GNAL: variants seen among roughly 807,000 people sequenced by gnomAD.
The protein encoded by GNAL is guanine nucleotide-binding protein G(olf) subunit alpha.
Under a neutral mutation model 55.1 loss-of-function variants are expected in GNAL, and 18 were observed. The ratio of observed to expected loss-of-function variants is 0.33; its 90% CI spans 0.23 to 0.48. The LOEUF (loss-of-function observed/expected upper bound fraction) is 0.48, where lower values mean the gene tolerates loss of function less well. Ranked by LOEUF, GNAL falls within the 20% of genes least tolerant of loss-of-function variation. The pLI is 0.99. For missense variants in GNAL, 412 were observed against 614.1 expected, an observed-to-expected ratio of 0.67 and a Z score of 3.48; for synonymous variants, 253 against 237.0, an observed-to-expected ratio of 1.07 and a Z score of -0.62.
At chr18:11,807,425 C>T (rs1315346257) in intron 4 of GNAL, among the ~76,000 whole-genome samples, 3 of 152,036 alleles carry the variant, frequency 2.0e-5, no homozygotes, top group East Asian at 1.9e-4. Context: ...TTTAGCAGTG[C>T]GAGAATCAGA....
At chr18:11,846,686 G>A (rs1427931737) in intron 5 of GNAL, among the ~76,000 whole-genome samples, 2 of 151,732 alleles carry the variant, frequency 1.3e-5, no homozygotes, top group Non-Finnish European at 2.9e-5. Context: ...TGTCCAGGCT[G>A]TTGTTAACAT....
chr18:11,770,319 T>C (rs2033593785), intron 4 of GNAL, among the ~76,000 whole-genome samples: 1 of 152,210 alleles, frequency 6.6e-6, no homozygotes, highest in African/African-American at 2.4e-5. Flanking sequence ...CTTACCTCAA[T>C]GATTATTCTT....
intron 1 of GNAL, among the ~76,000 whole-genome samples, chr18:11,705,048 A>G (rs1313859870): frequency 6.6e-6 from 1 of 152,208 alleles, no homozygotes; most frequent in East Asian, 1.9e-4. Context: ...GTTGTACAGC[A>G]GAGCTCTACA....
At chr18:11,720,044 C>A (rs2032059508) in intron 1 of GNAL, among the ~76,000 whole-genome samples, 2 of 152,180 alleles carry the variant, frequency 1.3e-5, no homozygotes, top group South Asian at 4.1e-4. Context: ...AATGCAGATT[C>A]TGATTTAGTA....
At chr18:11,796,575 C>CA (rs760136358) in intron 4 of GNAL, among the ~76,000 whole-genome samples, 1,299 of 58,854 alleles carry the variant, frequency 0.022, 68 homozygotes, top group Middle Eastern at 0.074. Flanking sequence ...CTCCTTCTCA[C>CA]AAAAAAAAAA....
chr18:11,747,105 C>T (rs2032704938), intron 1 of GNAL: 1 of 421,886 alleles, frequency 2.4e-6, no homozygotes, highest in African/African-American at 2.0e-5. Flanking sequence ...GTTTGGTGTT[C>T]TCAGCGCAGA....
At chr18:11,712,267 A>C (rs1371600188) in intron 1 of GNAL, among the ~76,000 whole-genome samples, 2 of 148,804 alleles carry the variant, frequency 1.3e-5, no homozygotes, top group Non-Finnish European at 3.0e-5. Flanking sequence ...TATTAATTCC[A>C]CTCTCTCGGG....
intron 4 of GNAL, among the ~76,000 whole-genome samples, chr18:11,758,402 G>A (rs2033131497): frequency 6.6e-6 from 1 of 152,166 alleles, no homozygotes; most frequent in Non-Finnish European, 1.5e-5. Context: ...AAATTCTTGT[G>A]ACCTCGAGCT....
intron 7 of GNAL, among the ~76,000 whole-genome samples, chr18:11,865,962 G>A (rs1312874347): frequency 4.0e-5 from 6 of 149,282 alleles, no homozygotes; most frequent in African/African-American, 1.5e-4. Flanking sequence ...GATCTCCAGT[G>A]TGTTCTGAGA....
At chr18:11,768,623 A>G (rs562639655) in intron 4 of GNAL, among the ~76,000 whole-genome samples, 5 of 150,006 alleles carry the variant, frequency 3.3e-5, no homozygotes, top group Non-Finnish European at 7.4e-5. Context: ...GGCCAGGCGC[A>G]GTGGCTCACG....
chr18:11,818,707 C>G (rs1219422054), intron 4 of GNAL, among the ~76,000 whole-genome samples: 1 of 152,172 alleles, frequency 6.6e-6, no homozygotes, highest in Non-Finnish European at 1.5e-5. Context: ...CGTGCCGGGA[C>G]GCACCCTGAA....
At chr18:11,695,919 C>A (rs2031392980) in intron 1 of GNAL, among the ~76,000 whole-genome samples, 1 of 143,888 alleles carries the variant, frequency 6.9e-6, no homozygotes, top group African/African-American at 2.9e-5. Flanking sequence ...TGCATGCACG[C>A]ATGCACACAC....
At chr18:11,869,331 G>T (rs567583488) in intron 9 of GNAL, among the ~76,000 whole-genome samples, 1 of 151,988 alleles carries the variant, frequency 6.6e-6, no homozygotes, top group African/African-American at 2.4e-5. Context: ...TTTTAGTAGA[G>T]ACCGGGTTTC....
chr18:11,692,875 G>A (rs954421434), intron 1 of GNAL, among the ~76,000 whole-genome samples: 167 of 152,214 alleles, frequency 1.1e-3, no homozygotes, highest in African/African-American at 3.9e-3. Flanking sequence ...TCAAACTCCT[G>A]GCCTCAACTG....
At chr18:11,724,865 A>G (rs983217654) in intron 1 of GNAL, among the ~76,000 whole-genome samples, 2 of 152,200 alleles carry the variant, frequency 1.3e-5, no homozygotes, top group African/African-American at 4.8e-5. Flanking sequence ...CCTTATCCCC[A>G]GAGAATGGTA....
rs185444557 is a variant in GNAL, at chr18:11,809,278, C to G, written c.625-15640C>G. On this transcript the variant is annotated intron_variant, in intron 4 of 11. Coordinates refer to ENST00000334049, the MANE Select transcript of GNAL (RefSeq NM_182978.4). ...ATCTCAAAAAAAAAAAGGAAGAAAG[C>G]AGGAGGCTGGGGGAGGAGAAATGAG... Among the ~76,000 whole-genome samples, 442 of 151,070 alleles carry G rather than the reference C, an allele frequency of 2.9e-3. 9 individuals are homozygous for G. The highest frequency in any genetic ancestry group is 0.023 in the Admixed American group (356 of 15,160).
Position 11,786,679 on chromosome 18 carries a change from CTGACCTCG to C in GNAL, c.624+32738_624+32745del, listed in dbSNP as rs527918316. 9.4e-3 allele frequency among the ~76,000 whole-genome samples: 1,418 copies of C among 150,900 alleles called. 20 individuals carry two copies. The highest frequency in any genetic ancestry group is 0.033 in the African/African-American group (1,348 of 40,978). ...CGTTAGCCAGGATGGTCTCCATCTCCTGACCTCGTGATCTGCCCACCTCGGCCTCCCAA... is the reference window on the plus strand; with the variant it reads ...CGTTAGCCAGGATGGTCTCCATCTCCTGATCTGCCCACCTCGGCCTCCCAA... On this transcript the variant is annotated intron_variant, in intron 4 of 11. Transcript: ENST00000334049.
At chr18:11,864,407 ATTG>A (rs750395073) in intron 6 of GNAL, 123 bp from the exon 7 acceptor site, 14 of 702,028 alleles carry the variant, frequency 2.0e-5, no homozygotes, top group African/African-American at 7.0e-5. Flanking sequence ...TTGGTTCTTA[ATTG>A]TTGTTTCCTT....
intron 1 of GNAL, among the ~76,000 whole-genome samples, chr18:11,716,632 T>C (rs570565360): frequency 9.2e-5 from 14 of 152,100 alleles, no homozygotes; most frequent in Non-Finnish European, 2.1e-4. Context: ...GACACAAAGG[T>C]TCTCCACCTC....
Sources: allele counts gnomAD v4.1 joint callset (sites outside exome capture counted in the v4.1 genomes callset), GRCh38; gene constraint gnomAD v4.1.1; transcripts MANE v1.5; gene names NCBI Gene and HGNC (gene_info 2026-07-23, HGNC 2026-07-21).